Variants in SUGP2 observed in about 807,000 individuals in gnomAD.
The protein encoded by SUGP2 is SURP and G-patch domain-containing protein 2.
A neutral mutation model predicts 90.5 loss-of-function variants in SUGP2; 24 were observed. The observed-to-expected ratio is 0.27, with a 90% CI of 0.19 to 0.37. The LOEUF is 0.37. SUGP2 is among the 10% of genes least tolerant of loss of function. The pLI is 1.00. For synonymous variants in SUGP2, 473 were observed against 513.4 expected, an observed-to-expected ratio of 0.92 and a Z score of 1.06; for missense variants, 1,233 against 1,363.3, an observed-to-expected ratio of 0.90 and a Z score of 1.51.
chr19:18,997,616 C>G (rs2057657797), intron 8 of SUGP2, among the ~76,000 whole-genome samples: 1 of 151,938 alleles, frequency 6.6e-6, no homozygotes, highest in East Asian at 1.9e-4. Context: ...ATCCCCATCT[C>G]TACTAAAAAT....
intron 8 of SUGP2, among the ~76,000 whole-genome samples, chr19:18,998,579 TGTGTGTGTATGCATGTGTGTGTGC>T (rs1048709970): frequency 3.8e-4 from 57 of 151,976 alleles, no homozygotes; most frequent in African/African-American, 9.7e-4. Flanking sequence ...AAAGTAGCTG[TGTGTGTGTATGCATGTGTGTGTGC>T]GTGTGTGTAT....
At chr19:19,001,156 C>T (rs2057816272) in intron 8 of SUGP2, among the ~76,000 whole-genome samples, 1 of 152,036 alleles carries the variant, frequency 6.6e-6, no homozygotes, top group Non-Finnish European at 1.5e-5. Flanking sequence ...GCTGGGACTA[C>T]AGGCGCCTGC....
chr19:19,029,880 C>A (rs1195958204), intron 2 of SUGP2, among the ~76,000 whole-genome samples: 2 of 151,522 alleles, frequency 1.3e-5, no homozygotes, highest in African/African-American at 2.4e-5. Flanking sequence ...GAGGCACAGG[C>A]CGCAGTGAGC....
chr19:19,021,859 T>C (rs188250044), intron 3 of SUGP2, among the ~76,000 whole-genome samples: 3 of 152,186 alleles, frequency 2.0e-5, no homozygotes, highest in Non-Finnish European at 4.4e-5. Flanking sequence ...AGAGACAGGT[T>C]TCGTCATGTT....
chr19:19,015,728 C>T (rs2058475390), intron 4 of SUGP2, among the ~76,000 whole-genome samples: 1 of 152,188 alleles, frequency 6.6e-6, no homozygotes, highest in Non-Finnish European at 1.5e-5. Context: ...TGGTCTCGAA[C>T]TCCCAACCTC....
chr19:19,026,048 G>A lies in SUGP2; in HGVS notation c.300C>T (p.Asp100=), dbSNP rs1472530353. 1.2e-6 allele frequency: 2 copies of A among 1,614,120 alleles called. No individual in the cohort carries two copies. Among genetic ancestry groups the A allele is most frequent in the African/African-American group, 1.3e-5 (1 of 75,028 alleles). Residue 100 remains aspartate, a synonymous_variant, in exon 3 of 11, where the codon GAC becomes GAT. Coordinates refer to ENST00000452918, the MANE Select transcript of SUGP2 (RefSeq NM_001017392.5). ...GGCCACATTCTTTGCGAAAGTAGCT[G>A]TCATCACTGATGGAAGGGTTGCTTG... ...FRSSNPSISD[D]SYFRKECGRD...
At position 18,993,451 on chromosome 19, in the gene SUGP2, G is replaced by A. The variant is rs1469933958; in HGVS notation, c.*290C>T. Reference sequence around the variant, plus strand: ...ACTCACAGGCTGAGGTGCCTTTCGGGGGCAGCGCCACCTTCTGAAGGGGAA... The same window carrying A: ...ACTCACAGGCTGAGGTGCCTTTCGGAGGCAGCGCCACCTTCTGAAGGGGAA... On this transcript the variant is annotated 3_prime_UTR_variant, in exon 11 of 11. Transcript: ENST00000452918. 6.6e-6 allele frequency: 1 copy of A among 152,234 alleles called. No individual in the cohort carries two copies. The highest frequency in any genetic ancestry group is 1.5e-5 in the Non-Finnish European group (1 of 68,040). The allele number at this position is 152,234 out of a possible 1,614,324, so 9.4% of individuals were successfully genotyped here.
At chr19:19,026,560 TC>T (rs1261704481) in intron 2 of SUGP2, among the ~76,000 whole-genome samples, 1 of 152,066 alleles carries the variant, frequency 6.6e-6, no homozygotes, top group Non-Finnish European at 1.5e-5. Flanking sequence ...CTCATTCAGA[TC>T]CCCCTACTCT....
chr19:19,031,210 C>A, intron 1 of SUGP2, 128 bp from the exon 2 acceptor site: 1 of 929,304 alleles, frequency 1.1e-6, no homozygotes, highest in East Asian at 2.5e-5. Context: ...GAGTTCGAGA[C>A]CAGCCTAGGC....
rs775071852 is a variant in SUGP2 at position 19,019,209 on chromosome 19, G to C, written c.1750C>G (p.His584Asp). The change falls in exon 4 of 11, where the codon CAC becomes GAC. Residue 584 changes from histidine to aspartate, a missense_variant. By Grantham distance (81) the His-to-Asp change is moderately conservative (BLOSUM62 -1). This residue lies in a region of SUGP2 where 540 missense variants were observed against 542.6 expected (regional missense o/e 1.00). Coordinates refer to ENST00000452918, the MANE Select transcript of SUGP2 (RefSeq NM_001017392.5). The part of the protein sequence containing the change: ...LSDAVPQRAD[H>D]RVVGTIDQLV... ...TGGTCGATGGTGCCCACTACCCTGT[G>C]ATCTGCTCGCTGGGGGACAGCTGGA... The C allele has an allele frequency of 3.1e-6, 5 of 1,613,736 alleles. No individual in the cohort carries two copies. In the South Asian group the frequency reaches 3.3e-5, roughly 11 times the overall value.
At chr19:19,032,077 A>G (rs965389308) in intron 1 of SUGP2, among the ~76,000 whole-genome samples, 1 of 152,052 alleles carries the variant, frequency 6.6e-6, no homozygotes, top group Admixed American at 6.6e-5. Context: ...GTCAACCAAC[A>G]CACATAACTG....
At chr19:19,026,262 C>T in intron 2 of SUGP2, 36 bp from the exon 3 acceptor site, 14 of 1,471,194 alleles carry the variant, frequency 9.5e-6, no homozygotes, top group Non-Finnish European at 1.3e-5. Context: ...AAAGAAGAAG[C>T]CAAAAGATAC....
intron 9 of SUGP2, 33 bp from the exon 10 acceptor site, chr19:18,994,519 C>T: frequency 6.2e-7 from 1 of 1,610,954 alleles, no homozygotes; most frequent in Non-Finnish European, 8.5e-7. Flanking sequence ...AGTTGTGCAC[C>T]TGAGCCCAGG....
chr19:19,020,877 T>C (rs75169368), intron 3 of SUGP2, among the ~76,000 whole-genome samples: 5,278 of 152,010 alleles, frequency 0.035, 386 homozygotes, highest in East Asian at 0.33. Context: ...TACAGAATGA[T>C]GGCCGGGCAC....
chr19:19,019,163 T>C lies in SUGP2; in HGVS notation c.1796A>G (p.Glu599Gly). 1 of 1,614,158 alleles carries C rather than the reference T, an allele frequency of 6.2e-7. No individual in the cohort carries two copies. The highest frequency in any genetic ancestry group is 8.5e-7 in the Non-Finnish European group (1 of 1,180,002). The change falls in exon 4 of 11, where the codon GAA becomes GGA. Residue 599 changes from glutamate (E) to glycine (G), a missense_variant. Around this residue, in one of 8 missense-constraint regions of SUGP2, gnomAD observed 540 missense variants for 542.6 expected, o/e 1.00. Transcript: ENST00000452918. ...TCTCTCTTTGGGAGACAGGCTGCCTTCGATGACACGTTTCACAAGCTGGTC... is the reference window on the plus strand; with the variant it reads ...TCTCTCTTTGGGAGACAGGCTGCCTCCGATGACACGTTTCACAAGCTGGTC... ...TIDQLVKRVIEGSLSPKERTL... is the reference protein window; with the variant it reads ...TIDQLVKRVIGGSLSPKERTL...
In SUGP2 at chr19:19,004,541, A is replaced by G. The variant is rs76773333; in HGVS notation, c.2556T>C (p.Thr852=). The stretch of plus-strand genomic sequence containing the variant: ...GAGAACCCGTGGTGTCACCACCACC[A>G]GTGTGAAGGTTGTGCGGAGATGACG... ...CFTSSPHNLH[T]GGGDTTGSQE... The change falls in exon 7 of 11, where the codon ACT becomes ACC. Residue 852 remains threonine, a synonymous_variant. Coordinates refer to ENST00000452918, the MANE Select transcript of SUGP2 (RefSeq NM_001017392.5). 716 of 1,614,244 alleles carry G rather than the reference A, an allele frequency of 4.4e-4. 2 individuals are homozygous for G. In the African/African-American group the frequency reaches 8.6e-3, roughly 19 times the overall value.
In SUGP2 at chr19:19,007,755, C is replaced by CTTTTTT. The variant is rs34670209; in HGVS notation, c.2450+556_2450+561dup. On this transcript the variant is annotated intron_variant, in intron 6 of 10. Coordinates refer to ENST00000452918, the MANE Select transcript of SUGP2 (RefSeq NM_001017392.5). ...ACAAGCATGAGCCATTGCACCTAGC[C>CTTTTTT]TTTTTTTTTTTTTTTTTTTTTGGAG... Among the ~76,000 whole-genome samples the CTTTTTT allele has an allele frequency of 4.4e-5, 5 of 113,432 alleles. 1 individual carries two copies. The highest frequency in any genetic ancestry group is 1.1e-4 in the African/African-American group (3 of 28,372). The allele number at this position is 113,432 out of a possible 152,430, so 74.4% of individuals were successfully genotyped here.
rs1178225075 is a variant in SUGP2 at position 18,991,854 on chromosome 19, G to C, written c.*1887C>G. On this transcript the variant is annotated 3_prime_UTR_variant, in exon 11 of 11. Coordinates refer to ENST00000452918, the MANE Select transcript of SUGP2 (RefSeq NM_001017392.5). The stretch of plus-strand genomic sequence containing the variant: ...GCCCCCACAGGCTGGTTCGTTCGAG[G>C]GTTGGGTTATAAACCCAAACTCCAT... The C allele has an allele frequency of 6.6e-6, 1 of 152,232 alleles. No individual in the cohort carries two copies. Among genetic ancestry groups the C allele is most frequent in the Admixed American group, 6.5e-5 (1 of 15,268 alleles). 9.4% of individuals were successfully genotyped at this position (152,232 alleles called of 1,614,324 possible).
rs773552450 is a variant in SUGP2, at chr19:19,025,109, C to G, written c.1239G>C (p.Lys413Asn). The change falls in exon 3 of 11, where the codon AAG (lysine) becomes AAC (asparagine). Residue 413 changes from lysine to asparagine, a missense_variant. Physicochemically the swap from Lys to Asn is moderately conservative, Grantham distance 94 (BLOSUM62 0). Coordinates refer to ENST00000452918, the MANE Select transcript of SUGP2 (RefSeq NM_001017392.5). ...LNMLLDKGAV[K>N]TKNCFFEIIK... Reference sequence around the variant, plus strand: ...TGATTTCAAAAAAGCAATTTTTGGTCTTCACAGCACCTTTGTCTAAAAGCA... The same window carrying G: ...TGATTTCAAAAAAGCAATTTTTGGTGTTCACAGCACCTTTGTCTAAAAGCA... The G allele has an allele frequency of 9.7e-5, 157 of 1,613,830 alleles. 1 individual carries two copies. Among genetic ancestry groups the G allele is most frequent in the Non-Finnish European group, 1.2e-4 (147 of 1,180,002 alleles).
Sources: gnomAD v4.1 joint callset for allele counts (sites outside exome capture counted in the v4.1 genomes callset) on GRCh38, gnomAD v4.1.1 for gene constraint, gnomAD v4.1.1 regional missense constraint, MANE v1.5 for transcripts, NCBI Gene and HGNC (gene_info 2026-07-23, HGNC 2026-07-21) for gene names.